The following CD226 variants were observed in gnomAD, a reference collection of about 807,000 sequenced individuals.
CD226 encodes the protein CD226 antigen.
CD226 carries 24 observed loss-of-function variants against 34.9 expected under a neutral mutation model. That is an observed-to-expected ratio of 0.69 (90% CI 0.50 to 0.97). The LOEUF is 0.97. CD226 is among the 50% of genes least tolerant of loss of function. The probability of loss-of-function intolerance (pLI) is 0.00; values close to 1 mark genes in which losing one functional copy is unlikely to be tolerated. For synonymous variants in CD226, 148 were observed against 147.4 expected (o/e 1.00, Z -0.03); for missense variants, 397 against 412.7 (o/e 0.96, Z 0.33).
intron 3 of CD226, among the ~76,000 whole-genome samples, chr18:69,892,135 G>A (rs1984940028): frequency 1.3e-5 from 2 of 152,118 alleles, no homozygotes; most frequent in Admixed American, 1.3e-4. Flanking sequence ...GGTGGAAGAC[G>A]ATTATACAAG....
chr18:69,901,346 A>G (rs1304792276), intron 2 of CD226, among the ~76,000 whole-genome samples: 2 of 152,180 alleles, frequency 1.3e-5, no homozygotes, highest in Admixed American at 6.5e-5. Flanking sequence ...TATCATGTTT[A>G]TGTTAAAAAG....
chr18:69,954,167 G>A (rs966374015), intron 1 of CD226, among the ~76,000 whole-genome samples: 14 of 152,022 alleles, frequency 9.2e-5, no homozygotes, highest in African/African-American at 3.1e-4. Flanking sequence ...TGTTGGCCAC[G>A]TATTAATTGA....
intron 2 of CD226, among the ~76,000 whole-genome samples, chr18:69,930,483 G>A (rs1188797995): frequency 6.6e-6 from 1 of 151,660 alleles, no homozygotes; most frequent in African/African-American, 2.4e-5. Context: ...AGAGACATAG[G>A]GACGTGGAAG....
upstream of CD226, among the ~76,000 whole-genome samples, chr18:69,950,400 C>T (rs1692888400): frequency 6.6e-6 from 1 of 152,138 alleles, no homozygotes; most frequent in African/African-American, 2.4e-5. Flanking sequence ...AGACATCAGA[C>T]GAACATACAA....
chr18:69,863,365 A>G lies in CD226; in HGVS notation c.*949T>C, dbSNP rs1412284933. Reference sequence around the variant, plus strand: ...CAAAATATGTCCAAAACATTAAGTTATTTATTATTCGACTATCTACTACAT... The same window carrying G: ...CAAAATATGTCCAAAACATTAAGTTGTTTATTATTCGACTATCTACTACAT... On this transcript the variant is annotated 3_prime_UTR_variant, in exon 6 of 6. Transcript: ENST00000582621. 5 of 152,206 alleles carry G rather than the reference A, an allele frequency of 3.3e-5. No individual in the cohort carries two copies. The highest frequency in any genetic ancestry group is 1.2e-4 in the African/African-American group (5 of 41,454). 9.4% of individuals were successfully genotyped at this position (152,206 alleles called of 1,614,324 possible). A position where few individuals can be genotyped will look rare whatever the true frequency, so the allele number is the denominator to read the frequency against.
At chr18:69,900,548 A>C (rs201040376) in intron 2 of CD226, among the ~76,000 whole-genome samples, 266 of 151,542 alleles carry the variant, frequency 1.8e-3, no homozygotes, top group East Asian at 5.8e-3. Flanking sequence ...CTGGCTAACA[A>C]GGTGAAACCC....
Position 69,855,105 on chromosome 18 carries a change from G to A in CD226, c.*9209C>T, listed in dbSNP as rs1599360718. On this transcript the variant is annotated 3_prime_UTR_variant, in exon 6 of 6. Transcript: ENST00000582621. Reference sequence around the variant, plus strand: ...CCTATTACATAACACACCAGATCTGGCTTGCAACAAAAAATTCAAAAAAAA... The same window carrying A: ...CCTATTACATAACACACCAGATCTGACTTGCAACAAAAAATTCAAAAAAAA... The A allele has an allele frequency of 7.2e-6, 1 of 138,330 alleles. No individual in the cohort carries two copies. Among genetic ancestry groups the A allele is most frequent in the East Asian group, 2.3e-4 (1 of 4,424 alleles). The allele number at this position is 138,330 out of a possible 1,614,324, so 8.6% of individuals were successfully genotyped here.
intron 3 of CD226, among the ~76,000 whole-genome samples, chr18:69,878,515 G>C (rs938199223): frequency 6.6e-6 from 1 of 151,120 alleles, no homozygotes; most frequent in African/African-American, 2.4e-5. Flanking sequence ...AATGTCTATA[G>C]TTTATCCTCT....
Position 69,859,164 on chromosome 18 carries a change from C to T in CD226, c.*5150G>A, listed in dbSNP as rs1461690966. The T allele has an allele frequency of 4.6e-5, 7 of 152,062 alleles. No homozygotes were observed. Among genetic ancestry groups the T allele is most frequent in the Admixed American group, 4.6e-4 (7 of 15,264 alleles). The allele number at this position is 152,062 out of a possible 1,614,324, so 9.4% of individuals were successfully genotyped here. On this transcript the variant is annotated 3_prime_UTR_variant, in exon 6 of 6. Coordinates refer to ENST00000582621, the MANE Select transcript of CD226 (RefSeq NM_001303618.2). ...GGATTCTAGGTTTCATGTATTCCTCCCCCTTTTTCTGGATGAAGGGAGACA... is the reference window on the plus strand; with the variant it reads ...GGATTCTAGGTTTCATGTATTCCTCTCCCTTTTTCTGGATGAAGGGAGACA...
chr18:69,864,265 GC>G lies in CD226; in HGVS notation c.*48del. ...GGAAAAAAATTGCATAAAGATCCATGCATGAGTACATAAGAGTCATTACTAA... is the reference window on the plus strand; with the variant it reads ...GGAAAAAAATTGCATAAAGATCCATGATGAGTACATAAGAGTCATTACTAA... On this transcript the variant is annotated 3_prime_UTR_variant, in exon 6 of 6. Coordinates refer to ENST00000582621, the MANE Select transcript of CD226 (RefSeq NM_001303618.2). The G allele has an allele frequency of 6.3e-7, 1 of 1,594,294 alleles. No homozygotes were observed.
At chr18:69,880,546 T>C (rs1177709128) in intron 3 of CD226, among the ~76,000 whole-genome samples, 2 of 151,930 alleles carry the variant, frequency 1.3e-5, no homozygotes, top group African/African-American at 4.8e-5. Context: ...GAAAGTAGAA[T>C]GATGGTTACC....
chr18:69,953,459 G>A (rs767249753), intron 1 of CD226, among the ~76,000 whole-genome samples: 1 of 152,206 alleles, frequency 6.6e-6, no homozygotes, highest in Non-Finnish European at 1.5e-5. Context: ...GTCAAAGAAT[G>A]CAGAAACAAA....
chr18:69,900,593 G>A (rs1377954585), intron 2 of CD226, among the ~76,000 whole-genome samples: 7 of 150,956 alleles, frequency 4.6e-5, no homozygotes, highest in Middle Eastern at 3.4e-3. Flanking sequence ...TTAGCCGGGC[G>A]CGGTGGCGGG....
intron 2 of CD226, among the ~76,000 whole-genome samples, chr18:69,907,987 C>T (rs2055277347): frequency 6.9e-6 from 1 of 144,440 alleles, no homozygotes; most frequent in Non-Finnish European, 1.5e-5. Context: ...TATAAATTGT[C>T]AAATTACAAT....
At chr18:69,891,832 T>G (rs765240493) in intron 3 of CD226, among the ~76,000 whole-genome samples, 19 of 152,244 alleles carry the variant, frequency 1.2e-4, no homozygotes, top group Non-Finnish European at 2.4e-4. Context: ...TATTCTTTCA[T>G]GATTATTGTT....
chr18:69,927,405 C>T (rs2055536160), intron 2 of CD226, among the ~76,000 whole-genome samples: 1 of 151,948 alleles, frequency 6.6e-6, no homozygotes, highest in African/African-American at 2.4e-5. Flanking sequence ...CACACACACA[C>T]ATATACCATC....
In CD226 at chr18:69,860,679, G is replaced by A. The variant is rs1297221590; in HGVS notation, c.*3635C>T. ...TTGGCTGGAAGAACTCTAATGAACA[G>A]ATCAGTGAAAAAATATACTTATACA... On this transcript the variant is annotated 3_prime_UTR_variant, in exon 6 of 6. Transcript: ENST00000582621. The A allele has an allele frequency of 6.6e-6, 1 of 151,908 alleles. No individual in the cohort carries two copies. Among genetic ancestry groups the A allele is most frequent in the Non-Finnish European group, 1.5e-5 (1 of 67,974 alleles). 9.4% of individuals were successfully genotyped at this position (151,908 alleles called of 1,614,324 possible).
chr18:69,891,215 G>T (rs1465272326), intron 3 of CD226, among the ~76,000 whole-genome samples: 1 of 151,324 alleles, frequency 6.6e-6, no homozygotes, highest in Non-Finnish European at 1.5e-5. Flanking sequence ...TTAACAAAGT[G>T]ATATAAAAAG....
chr18:69,942,943 C>A (rs1422041637), intron 2 of CD226, among the ~76,000 whole-genome samples: 2 of 152,198 alleles, frequency 1.3e-5, no homozygotes, highest in Non-Finnish European at 2.9e-5. Flanking sequence ...CCTTCCAATT[C>A]TTCAAGGTCC....
Sources: gnomAD v4.1 joint callset for allele counts (sites outside exome capture counted in the v4.1 genomes callset) on GRCh38, gnomAD v4.1.1 for gene constraint, MANE v1.5 for transcripts, NCBI Gene and HGNC (gene_info 2026-07-23, HGNC 2026-07-21) for gene names.